Variants in SHANK2 observed in about 807,000 individuals in gnomAD.
The protein encoded by SHANK2 is SH3 and multiple ankyrin repeat domains 2.
A neutral mutation model predicts 133.7 loss-of-function variants in SHANK2; 43 were observed. The ratio of observed to expected loss-of-function variants is 0.32; its 90% confidence interval spans 0.25 to 0.41. The LOEUF (loss-of-function observed/expected upper bound fraction) is 0.41, where lower values mean the gene tolerates loss of function less well. Among genes scored for constraint, SHANK2 ranks in the 10% least tolerant of loss-of-function variants. The pLI is 1.00. For missense variants in SHANK2, 1,994 were observed against 2,235.8 expected (o/e 0.89, Z 2.18); for synonymous variants, 1,017 against 952.8 (o/e 1.07, Z -1.24).
At chr11:71,146,768 C>T (rs782498919) in intron 3 of SHANK2, among the ~76,000 whole-genome samples, 2 of 152,152 alleles carry the variant, frequency 1.3e-5, no homozygotes, top group South Asian at 2.1e-4. Context: ...AAGCCAGTTG[C>T]GGGTGCACCT....
At chr11:70,861,155 A>G (rs1590767948) in intron 11 of SHANK2, among the ~76,000 whole-genome samples, 1 of 152,190 alleles carries the variant, frequency 6.6e-6, no homozygotes, top group African/African-American at 2.4e-5. Flanking sequence ...AAATCCTGCC[A>G]CTTCCCTGAG....
At chr11:70,507,024 G>C (rs562145503) in intron 17 of SHANK2, among the ~76,000 whole-genome samples, 1 of 152,376 alleles carries the variant, frequency 6.6e-6, no homozygotes, top group East Asian at 1.9e-4. Context: ...ACAATTTAAA[G>C]AGTATAAGAC....
chr11:70,594,609 G>A (rs546941973), intron 17 of SHANK2, among the ~76,000 whole-genome samples: 3 of 152,310 alleles, frequency 2.0e-5, no homozygotes, highest in Non-Finnish European at 4.4e-5. Context: ...GCGGGCAGGG[G>A]CAATGGGGCT....
chr11:70,714,334 G>A (rs915366148), intron 14 of SHANK2, among the ~76,000 whole-genome samples: 2 of 152,186 alleles, frequency 1.3e-5, no homozygotes, highest in African/African-American at 4.8e-5. Context: ...ATGTCTGTTG[G>A]GTGAGATGAG....
intron 17 of SHANK2, among the ~76,000 whole-genome samples, chr11:70,598,121 A>G (rs1591629720): frequency 6.6e-6 from 1 of 152,236 alleles, no homozygotes; most frequent in South Asian, 2.1e-4. Context: ...GTCCAGAGCC[A>G]GCAGGGGAAC....
chr11:70,650,193 C>T (rs2061323586), intron 17 of SHANK2, among the ~76,000 whole-genome samples: 1 of 152,216 alleles, frequency 6.6e-6, no homozygotes, highest in South Asian at 2.1e-4. Flanking sequence ...GGGCTCAAAG[C>T]AGATGCAGAT....
At chr11:70,554,121 G>T (rs1591572856) in intron 17 of SHANK2, among the ~76,000 whole-genome samples, 2 of 152,318 alleles carry the variant, frequency 1.3e-5, no homozygotes, top group Middle Eastern at 6.8e-3. Context: ...TGCTGATAGG[G>T]GAGGAACTCC....
chr11:70,947,646 G>T (rs1247545854), intron 10 of SHANK2, among the ~76,000 whole-genome samples: 1 of 152,162 alleles, frequency 6.6e-6, no homozygotes, highest in Non-Finnish European at 1.5e-5. Flanking sequence ...GATTATAGGT[G>T]TGAGCCACTG....
At chr11:70,738,592 T>C (rs575863) in intron 14 of SHANK2, among the ~76,000 whole-genome samples, 17,154 of 152,172 alleles carry the variant, frequency 0.11, 2,021 homozygotes, top group African/African-American at 0.3. Flanking sequence ...CCCAAACTTA[T>C]CCACTGTTTC....
chr11:70,855,550 A>C (rs1949156162), intron 11 of SHANK2, among the ~76,000 whole-genome samples: 1 of 152,210 alleles, frequency 6.6e-6, no homozygotes, highest in Non-Finnish European at 1.5e-5. Context: ...AAAAATCTTC[A>C]ACAGCTCCCA....
At position 71,118,747 on chromosome 11, in the gene SHANK2, CCCA is replaced by C. The variant is rs1489659158; in HGVS notation, c.411+79_411+81del. On this transcript the variant is annotated intron_variant, in intron 4 of 25. Coordinates refer to ENST00000601538, the MANE Select transcript of SHANK2 (RefSeq NM_012309.5). ...CCAATGCAAATGGAATTGGTCTCGC[CCCA>C]CCACCATGTCTCCCCCACCCACCAT... The C allele has an allele frequency of 7.7e-5, 95 of 1,230,824 alleles. No homozygotes were observed. In the African/African-American group the frequency reaches 1.3e-3, roughly 17 times the overall value. The allele number at this position is 1,230,824 out of a possible 1,614,324, so 76.2% of individuals were successfully genotyped here.
chr11:70,648,062 C>T (rs1021596924), intron 17 of SHANK2, among the ~76,000 whole-genome samples: 22 of 152,200 alleles, frequency 1.4e-4, no homozygotes, highest in African/African-American at 1.4e-4. Context: ...CATGGTGGAA[C>T]GTTATTCACC....
intron 9 of SHANK2, among the ~76,000 whole-genome samples, chr11:71,061,096 G>A (rs957005499): frequency 6.6e-6 from 1 of 152,370 alleles, no homozygotes; most frequent in South Asian, 2.1e-4. Flanking sequence ...TGTGCCCAGG[G>A]TCCACACTGT....
rs139565894 is a variant in SHANK2, at chr11:70,676,336, G to A, written c.1854-14658C>T. On this transcript the variant is annotated intron_variant, in intron 15 of 25. Coordinates refer to ENST00000601538, the MANE Select transcript of SHANK2 (RefSeq NM_012309.5). ...TGGCCAAGGAGACCCAAGGCCAAGC[G>A]GACCCGAGGTCTGCTGGGACCTCTG... 1.2e-4 allele frequency among the ~76,000 whole-genome samples: 18 copies of A among 152,352 alleles called. No individual in the cohort carries two copies. In the South Asian group the frequency reaches 1.5e-3, roughly 12 times the overall value.
At chr11:70,773,684 A>G (rs1947302576) in intron 14 of SHANK2, among the ~76,000 whole-genome samples, 1 of 152,236 alleles carries the variant, frequency 6.6e-6, no homozygotes, top group Non-Finnish European at 1.5e-5. Flanking sequence ...CCTTCTCTCC[A>G]AAGAAGATGC....
At chr11:71,155,522 C>A (rs55988920) in intron 2 of SHANK2, among the ~76,000 whole-genome samples, 2 of 151,806 alleles carry the variant, frequency 1.3e-5, no homozygotes, top group African/African-American at 4.8e-5. Context: ...CAGCCACACC[C>A]TCAACATGGA....
intron 14 of SHANK2, among the ~76,000 whole-genome samples, chr11:70,771,925 A>C (rs1947259607): frequency 6.6e-6 from 1 of 152,180 alleles, no homozygotes; most frequent in Non-Finnish European, 1.5e-5. Flanking sequence ...TTTTCACCAC[A>C]AGGTGTCTTT....
rs181445282 is a variant in SHANK2, at chr11:70,789,059, C to A, written c.1777+9384G>T. On this transcript the variant is annotated intron_variant, in intron 14 of 25. Coordinates refer to ENST00000601538, the MANE Select transcript of SHANK2 (RefSeq NM_012309.5). ...AGATGCTCCCAGTAAGGGCCCCCTA[C>A]GCTGGTAAATTAGAGAGTGGCTGGA... Among the ~76,000 whole-genome samples the A allele has an allele frequency of 8.5e-4, 129 of 152,242 alleles. 2 individuals carry two copies. The highest frequency in any genetic ancestry group is 2.4e-4 in the Non-Finnish European group (16 of 68,018).
intron 14 of SHANK2, among the ~76,000 whole-genome samples, chr11:70,779,042 T>G (rs55891209): frequency 0.039 from 5,909 of 152,118 alleles, 408 homozygotes; most frequent in African/African-American, 0.14. Context: ...GCACCACCAC[T>G]GCTGGGAGGG....
Sources: gnomAD v4.1 joint callset for allele counts (sites outside exome capture counted in the v4.1 genomes callset) on GRCh38, gnomAD v4.1.1 for gene constraint, MANE v1.5 for transcripts, NCBI Gene and HGNC (gene_info 2026-07-23, HGNC 2026-07-21) for gene names.